Variants in SOCS6 observed in about 807,000 individuals in gnomAD.
SOCS6 encodes STAT induced STAT inhibitor-4.
Under a neutral mutation model 27.7 loss-of-function variants are expected in SOCS6, and 5 were observed. That is an observed-to-expected ratio of 0.18 (90% CI 0.09 to 0.38). SOCS6 has a LOEUF of 0.38. Ranked by LOEUF, SOCS6 falls within the 10% of genes least tolerant of loss-of-function variation. The pLI is 1.00. For synonymous variants in SOCS6, 271 were observed against 260.0 expected, an observed-to-expected ratio of 1.04 and a Z score of -0.41; for missense variants, 595 against 688.1, an observed-to-expected ratio of 0.86 and a Z score of 1.51.
chr18:70,297,139 A>G (rs1469572398), intron 1 of SOCS6, among the ~76,000 whole-genome samples: 1 of 151,972 alleles, frequency 6.6e-6, no homozygotes, highest in Non-Finnish European at 1.5e-5. Flanking sequence ...AACAAATAGC[A>G]TCCGCCTCTC....
rs1326164902 is a variant in SOCS6, at chr18:70,310,576, A to T, written c.-126-13967A>T. On this transcript the variant is annotated intron_variant, in intron 1 of 1. Transcript: ENST00000397942. ...GCACACCTCGGCCTCCCAAAGTGCT[A>T]GGATTATAGGCGTGAGCCACCAAGC... 4.8e-5 allele frequency among the ~76,000 whole-genome samples: 7 copies of T among 147,140 alleles called. No homozygotes were observed. In the East Asian group the frequency reaches 1.4e-3, roughly 30 times the overall value.
intron 1 of SOCS6, among the ~76,000 whole-genome samples, chr18:70,315,550 C>G (rs2062408096): frequency 6.6e-6 from 1 of 152,116 alleles, no homozygotes; most frequent in Admixed American, 6.5e-5. Context: ...TAAGCACATT[C>G]CCTTTCTTGA....
intron 1 of SOCS6, among the ~76,000 whole-genome samples, chr18:70,310,175 G>A (rs1424548352): frequency 1.3e-5 from 2 of 152,176 alleles, no homozygotes; most frequent in African/African-American, 4.8e-5. Flanking sequence ...TCAAAGTACT[G>A]AAATGGTTGC....
At chr18:70,314,865 GTATA>G (rs59769890) in intron 1 of SOCS6, among the ~76,000 whole-genome samples, 66,405 of 150,100 alleles carry the variant, frequency 0.44, 15,103 homozygotes, top group East Asian at 0.74. Context: ...GATTTTGTGT[GTATA>G]TATATATATA....
chr18:70,312,253 T>C (rs1036958724), intron 1 of SOCS6, among the ~76,000 whole-genome samples: 1 of 152,176 alleles, frequency 6.6e-6, no homozygotes. Flanking sequence ...ACTTGGCACA[T>C]AGTAGGCCAA....
At chr18:70,294,219 T>C (rs8085832) in intron 1 of SOCS6, among the ~76,000 whole-genome samples, 150,822 of 152,232 alleles carry the variant, frequency 0.99, 74,737 homozygotes, top group East Asian at 1. Context: ...TTTGACTAGT[T>C]AGATTATGTT....
At chr18:70,297,685 T>A (rs1326142152) in intron 1 of SOCS6, among the ~76,000 whole-genome samples, 1 of 152,206 alleles carries the variant, frequency 6.6e-6, no homozygotes, top group Admixed American at 6.5e-5. Flanking sequence ...TTTTGTAAGA[T>A]TTTTATATTG....
At position 70,299,735 on chromosome 18, in the gene SOCS6, G is replaced by A. The variant is rs1240980874; in HGVS notation, c.-127+10645G>A. The stretch of plus-strand genomic sequence containing the variant: ...TATTTCTATCTCAGGAAATCCCAAA[G>A]ATATAGGAACTGTGCCAGGAACTAG... On this transcript the variant is annotated intron_variant, in intron 1 of 1. Transcript: ENST00000397942. Among the ~76,000 whole-genome samples, 6 of 152,134 alleles carry A rather than the reference G, an allele frequency of 3.9e-5. No individual in the cohort carries two copies. In the South Asian group the frequency reaches 6.2e-4, roughly 16 times the overall value.
Position 70,328,958 on chromosome 18 carries a change from C to T in SOCS6, c.*2682C>T, listed in dbSNP as rs535061872. The T allele has an allele frequency of 1.0e-4, 17 of 166,956 alleles. No individual in the cohort carries two copies. Among genetic ancestry groups the T allele is most frequent in the Admixed American group, 3.3e-4 (5 of 15,268 alleles). 10.3% of individuals were successfully genotyped at this position (166,956 alleles called of 1,614,324 possible). On this transcript the variant is annotated 3_prime_UTR_variant, in exon 2 of 2. Transcript: ENST00000397942. ...ACAGCCTATGAGTGCTTTTTAAATA[C>T]GTGCTTCTAAAAATCTGAGCTCAAA... is the stretch of plus-strand genomic sequence containing the variant.
Position 70,324,882 on chromosome 18 carries a change from A to G in SOCS6, c.214A>G (p.Ser72Gly). 6.2e-7 allele frequency: 1 copy of G among 1,614,186 alleles called. No individual in the cohort carries two copies. The highest frequency in any genetic ancestry group is 8.5e-7 in the Non-Finnish European group (1 of 1,180,040). The change falls in exon 2 of 2, where the codon AGC becomes GGC. Residue 72 changes from serine (S) to glycine (G), a missense_variant. Physicochemically the swap from Ser to Gly is moderately conservative, Grantham distance 56. Coordinates refer to ENST00000397942, the MANE Select transcript of SOCS6 (RefSeq NM_004232.4). ...CGGAAAAAACAGATCAAAAAGCGAG[A>G]GCCTGATGGGTACGCTAAAAAGGCG... The part of the protein sequence containing the change: ...KGGKNRSKSE[S>G]LMGTLKRRLS...
At chr18:70,295,842 A>G (rs546522068) in intron 1 of SOCS6, among the ~76,000 whole-genome samples, 40 of 152,306 alleles carry the variant, frequency 2.6e-4, no homozygotes, top group South Asian at 1.7e-3. Context: ...ACACCACATT[A>G]GTAGTCGATT....
intron 1 of SOCS6, among the ~76,000 whole-genome samples, chr18:70,317,413 T>G (rs2062415940): frequency 6.8e-6 from 1 of 148,014 alleles, no homozygotes; most frequent in Non-Finnish European, 1.5e-5. Context: ...CTAAGTAGTA[T>G]TCCATGGTGT....
At position 70,327,917 on chromosome 18, in the gene SOCS6, T is replaced by G. The variant is rs1411670629; in HGVS notation, c.*1641T>G. ...GAATCCTCACTTTTTTCTCTTTGCTTTTTAGGGTCAGAACTGAGATATTAC... is the reference window on the plus strand; with the variant it reads ...GAATCCTCACTTTTTTCTCTTTGCTGTTTAGGGTCAGAACTGAGATATTAC... On this transcript the variant is annotated 3_prime_UTR_variant, in exon 2 of 2. Transcript: ENST00000397942. 1 of 166,970 alleles carries G rather than the reference T, an allele frequency of 6.0e-6. No homozygotes were observed. The highest frequency in any genetic ancestry group is 2.4e-5 in the African/African-American group (1 of 41,466). 10.3% of individuals were successfully genotyped at this position (166,970 alleles called of 1,614,324 possible).
At chr18:70,314,508 A>G (rs1051087494) in intron 1 of SOCS6, among the ~76,000 whole-genome samples, 10 of 152,154 alleles carry the variant, frequency 6.6e-5, no homozygotes, top group Non-Finnish European at 2.9e-5. Flanking sequence ...ATTGCCTACA[A>G]TATTTAGAAC....
intron 1 of SOCS6, among the ~76,000 whole-genome samples, chr18:70,307,802 TTTTA>T (rs1302203536): frequency 6.6e-6 from 1 of 152,140 alleles, no homozygotes; most frequent in Non-Finnish European, 1.5e-5. Flanking sequence ...TCACTTTTGG[TTTTA>T]TTTGTTTTTT....
At chr18:70,317,545 A>T (rs1329420939) in intron 1 of SOCS6, among the ~76,000 whole-genome samples, 1 of 118,106 alleles carries the variant, frequency 8.5e-6, no homozygotes, top group African/African-American at 4.1e-5. Flanking sequence ...TACACACTTC[A>T]TATATACATA....
At chr18:70,297,981 A>G (rs2062331696) in intron 1 of SOCS6, among the ~76,000 whole-genome samples, 1 of 152,190 alleles carries the variant, frequency 6.6e-6, no homozygotes, top group Non-Finnish European at 1.5e-5. Context: ...CATTTGAATA[A>G]TGGGCAAATT....
chr18:70,322,609 G>A (rs1422569464), intron 1 of SOCS6, among the ~76,000 whole-genome samples: 1 of 152,006 alleles, frequency 6.6e-6, no homozygotes, highest in Non-Finnish European at 1.5e-5. Flanking sequence ...ATTATGCTTG[G>A]GTAGAAGACA....
chr18:70,298,970 C>A lies in SOCS6; in HGVS notation c.-127+9880C>A, dbSNP rs184217348. Among the ~76,000 whole-genome samples, 1,468 of 152,136 alleles carry A rather than the reference C, an allele frequency of 9.6e-3. 9 individuals carry two copies. The highest frequency in any genetic ancestry group is 0.02 in the Middle Eastern group (6 of 294). ...CAAAACCCCGTGTCTACTAAAAATA[C>A]AAAAATTAGCCAGGCACGGTGGCAC... On this transcript the variant is annotated intron_variant, in intron 1 of 1. Coordinates refer to ENST00000397942, the MANE Select transcript of SOCS6 (RefSeq NM_004232.4).
Sources: gnomAD v4.1 joint callset for allele counts (sites outside exome capture counted in the v4.1 genomes callset) on GRCh38, gnomAD v4.1.1 for gene constraint, MANE v1.5 for transcripts, NCBI Gene and HGNC (gene_info 2026-07-23, HGNC 2026-07-21) for gene names.